Variants in SLC30A6 observed in about 807,000 individuals in gnomAD.
SLC30A6 encodes zinc transporter 6.
A neutral mutation model predicts 63.0 loss-of-function variants in SLC30A6; 55 were observed. The ratio of observed to expected loss-of-function variants is 0.87; its 90% confidence interval spans 0.70 to 1.09. The LOEUF is 1.09. Among genes scored for constraint, SLC30A6 ranks in the 50% least tolerant of loss-of-function variants. The pLI, the probability that SLC30A6 is intolerant of heterozygous loss-of-function variation, is 0.00. For missense variants in SLC30A6, 587 were observed against 549.2 expected, an observed-to-expected ratio of 1.07 and a Z score of -0.69; for synonymous variants, 224 against 186.1, an observed-to-expected ratio of 1.20 and a Z score of -1.66.
Position 32,222,565 on chromosome 2 carries a change from CTTAGTGAGGAG to C in SLC30A6, c.*1855_*1865del, listed in dbSNP as rs1411029986. ...GTGACCATGTCCTAAATACCTTTTT[CTTAGTGAGGAG>C]TTGGTCATTGTCTTTGGCATCTGCA... On this transcript the variant is annotated 3_prime_UTR_variant, in exon 14 of 14. Transcript: ENST00000282587. 6.6e-6 allele frequency: 1 copy of C among 152,112 alleles called. No individual in the cohort carries two copies. Among genetic ancestry groups the C allele is most frequent in the African/African-American group, 2.4e-5 (1 of 41,424 alleles). 9.4% of individuals were successfully genotyped at this position (152,112 alleles called of 1,614,324 possible).
At chr2:32,198,449 T>G (rs1683987343) in intron 10 of SLC30A6, among the ~76,000 whole-genome samples, 1 of 152,220 alleles carries the variant, frequency 6.6e-6, no homozygotes, top group African/African-American at 2.4e-5. Context: ...CTACTTTAAC[T>G]GAACCTATTT....
chr2:32,177,454 C>G (rs1681860806), intron 4 of SLC30A6: 1 of 230,496 alleles, frequency 4.3e-6, no homozygotes, highest in South Asian at 3.6e-5. Context: ...CCAGGCACGG[C>G]TAATTTTTTG....
chr2:32,212,894 A>ATTTTTTTT (rs10522618), intron 13 of SLC30A6, among the ~76,000 whole-genome samples: 5 of 118,256 alleles, frequency 4.2e-5, no homozygotes, highest in African/African-American at 1.6e-4. Context: ...TGTGTCCAGC[A>ATTTTTTTT]TTTTTTTTTT....
At chr2:32,182,832 T>C (rs768478576) in intron 4 of SLC30A6, among the ~76,000 whole-genome samples, 14 of 152,176 alleles carry the variant, frequency 9.2e-5, no homozygotes, top group Non-Finnish European at 1.6e-4. Context: ...TTAGGTTACA[T>C]GTGTCAGGTG....
chr2:32,166,162 G>A (rs13013695), intron 1 of SLC30A6, among the ~76,000 whole-genome samples: 39,313 of 152,124 alleles, frequency 0.26, 5,516 homozygotes, highest in East Asian at 0.55. Flanking sequence ...GCGAGTTTCT[G>A]ACTTCCCTCT....
At chr2:32,166,075 G>T (rs188756447) in intron 1 of SLC30A6, among the ~76,000 whole-genome samples, 172 bp downstream of exon 1, 18 of 152,204 alleles carry the variant, frequency 1.2e-4, no homozygotes, top group Non-Finnish European at 2.2e-4. Flanking sequence ...TCAGAGTTCT[G>T]GTCCCTTTCG....
intron 11 of SLC30A6, 70 bp downstream of exon 11, chr2:32,204,762 G>A (rs1684597503): frequency 1.3e-6 from 1 of 757,104 alleles, no homozygotes; most frequent in Non-Finnish European, 2.0e-6. Context: ...AAAGTTGTAT[G>A]TGTTGTTCTA....
chr2:32,208,467 A>G (rs111934361), intron 12 of SLC30A6, among the ~76,000 whole-genome samples: 2,134 of 151,504 alleles, frequency 0.014, 22 homozygotes, highest in Non-Finnish European at 0.021. Context: ...ATAAAAAGAG[A>G]TGGGGTCTTG....
intron 1 of SLC30A6, among the ~76,000 whole-genome samples, chr2:32,168,774 G>A (rs1680912186): frequency 6.6e-6 from 1 of 152,142 alleles, no homozygotes; most frequent in African/African-American, 2.4e-5. Flanking sequence ...CTGAAGTTGA[G>A]GGTTTCTATC....
At chr2:32,216,919 A>G (rs1279612123) in intron 13 of SLC30A6, among the ~76,000 whole-genome samples, 1 of 151,606 alleles carries the variant, frequency 6.6e-6, no homozygotes, top group African/African-American at 2.4e-5. Flanking sequence ...GACGAAGTCT[A>G]GCTCTGTCAC....
rs780123836 is a variant in SLC30A6 at position 32,183,528 on chromosome 2, A to G, written c.219-745A>G. Among the ~76,000 whole-genome samples, 7 of 151,640 alleles carry G rather than the reference A, an allele frequency of 4.6e-5. No homozygotes were observed. The South Asian group carries it at 1.5e-3, about 32-fold the overall frequency. ...GAAACCTCGTCTCTACTAAAAAAAA[A>G]TATATAAAAATTAGCCGGGCATGGT... On this transcript the variant is annotated intron_variant, in intron 4 of 13. Transcript: ENST00000282587.
intron 10 of SLC30A6, among the ~76,000 whole-genome samples, chr2:32,204,227 A>C (rs1206645121): frequency 2.0e-5 from 3 of 152,172 alleles, no homozygotes; most frequent in Non-Finnish European, 4.4e-5. Flanking sequence ...TTTAAAAAAA[A>C]ATTACTAGTT....
Position 32,200,108 on chromosome 2 carries a change from T to A in SLC30A6, c.665+2282T>A, listed in dbSNP as rs141203902. 4.2e-3 allele frequency among the ~76,000 whole-genome samples: 632 copies of A among 151,886 alleles called. 9 individuals are homozygous for A. The highest frequency in any genetic ancestry group is 0.015 in the African/African-American group (622 of 41,382). ...CACACACACACACAAATATAAAATATGTGTTGATATATATATATAAACATA... is the reference window on the plus strand; with the variant it reads ...CACACACACACACAAATATAAAATAAGTGTTGATATATATATATAAACATA... On this transcript the variant is annotated intron_variant, in intron 10 of 13. Coordinates refer to ENST00000282587, the MANE Select transcript of SLC30A6 (RefSeq NM_017964.5).
chr2:32,192,904 T>A lies in SLC30A6; in HGVS notation c.366-14T>A. Reference sequence around the variant, plus strand: ...ATTTATAGGACTTATTTAATATATTTTTATTTCTTATAGTGCAGAACGCTT... The same window carrying A: ...ATTTATAGGACTTATTTAATATATTATTATTTCTTATAGTGCAGAACGCTT... On this transcript the variant is annotated splice_polypyrimidine_tract_variant and intron_variant, in intron 6 of 13. Coordinates refer to ENST00000282587, the MANE Select transcript of SLC30A6 (RefSeq NM_017964.5). 6.8e-7 allele frequency: 1 copy of A among 1,471,888 alleles called. No homozygotes were observed. The allele number at this position is 1,471,888 out of a possible 1,614,324, so 91.2% of individuals were successfully genotyped here. A position where few individuals can be genotyped will look rare whatever the true frequency, so the allele number is the denominator to read the frequency against.
Position 32,174,493 on chromosome 2 carries a change from A to G in SLC30A6, c.175+346A>G, listed in dbSNP as rs1258125343. Among the ~76,000 whole-genome samples, 3 of 139,128 alleles carry G rather than the reference A, an allele frequency of 2.2e-5. No homozygotes were observed. In the East Asian group the frequency reaches 6.6e-4, roughly 30 times the overall value. 91.3% of individuals were successfully genotyped at this position (139,128 alleles called of 152,430 possible). ...CAGGCGTAAGCCACAATGCCTGGCCATTTTCATTTTAAATAAGCTGTTATT... is the reference window on the plus strand; with the variant it reads ...CAGGCGTAAGCCACAATGCCTGGCCGTTTTCATTTTAAATAAGCTGTTATT... On this transcript the variant is annotated intron_variant, in intron 3 of 13. Coordinates refer to ENST00000282587, the MANE Select transcript of SLC30A6 (RefSeq NM_017964.5).
chr2:32,183,410 G>T (rs1291269164), intron 4 of SLC30A6, among the ~76,000 whole-genome samples: 2 of 151,994 alleles, frequency 1.3e-5, no homozygotes, highest in East Asian at 3.9e-4. Context: ...GCCAGGCGCG[G>T]TGGCTCACGC....
At chr2:32,197,437 A>C in intron 9 of SLC30A6, 45 bp downstream of exon 9, 1 of 1,545,856 alleles carries the variant, frequency 6.5e-7, no homozygotes, top group South Asian at 1.1e-5. Flanking sequence ...TTAAAGGAAT[A>C]CACAAGAAAT....
intron 13 of SLC30A6, among the ~76,000 whole-genome samples, chr2:32,217,622 T>C (rs1573439673): frequency 6.6e-6 from 1 of 152,158 alleles, no homozygotes; most frequent in Admixed American, 6.5e-5. Context: ...AGTTTGATAG[T>C]AATAGCATGG....
At chr2:32,210,997 G>A (rs930340990) in intron 13 of SLC30A6, among the ~76,000 whole-genome samples, 6 of 149,574 alleles carry the variant, frequency 4.0e-5, no homozygotes, top group African/African-American at 1.5e-4. Context: ...GGGCACTCCT[G>A]GGAAGCAGGA....
Sources: allele counts gnomAD v4.1 joint callset (sites outside exome capture counted in the v4.1 genomes callset), GRCh38; gene constraint gnomAD v4.1.1; transcripts MANE v1.5; gene names NCBI Gene and HGNC (gene_info 2026-07-23, HGNC 2026-07-21).